Variants in AMOTL1 observed in about 807,000 individuals in gnomAD.
AMOTL1 encodes the protein angiomotin-like protein 1.
AMOTL1 carries 45 observed loss-of-function variants against 102.9 expected under a neutral mutation model. That is an observed-to-expected ratio of 0.44 (90% CI 0.34 to 0.56). The LOEUF is 0.56. Ranked by LOEUF, AMOTL1 falls within the 20% of genes least tolerant of loss-of-function variation. The pLI is 0.01. For missense variants in AMOTL1, 1,114 were observed against 1,225.6 expected (o/e 0.91, Z 1.36); for synonymous variants, 481 against 484.7 (o/e 0.99, Z 0.10).
intron 5 of AMOTL1, among the ~76,000 whole-genome samples, chr11:94,831,086 C>G (rs1952060441): frequency 6.6e-6 from 1 of 152,082 alleles, no homozygotes; most frequent in Non-Finnish European, 1.5e-5. Context: ...CTAAAATATA[C>G]AGCTGATGAT....
At position 94,808,788 on chromosome 11, in the gene AMOTL1, A is replaced by G. The variant is rs1016508931; in HGVS notation, c.1121+8477A>G. 5.3e-5 allele frequency among the ~76,000 whole-genome samples: 8 copies of G among 152,210 alleles called. No homozygotes were observed. The South Asian group carries it at 1.4e-3, about 28-fold the overall frequency. On this transcript the variant is annotated intron_variant, in intron 3 of 12. Transcript: ENST00000433060. ...CTAGCAGTGACATCTTAAGTTTGAA[A>G]GAGACAAATGAAATTAATTTTAAAG...
intron 1 of AMOTL1, among the ~76,000 whole-genome samples, chr11:94,709,412 A>G (rs1419128551): frequency 6.6e-6 from 1 of 152,162 alleles, no homozygotes; most frequent in Non-Finnish European, 1.5e-5. Context: ...TTCATGGTGT[A>G]AATACTCCCA....
Position 94,859,457 on chromosome 11 carries a change from G to A in AMOTL1, c.1945-68G>A, listed in dbSNP as rs118120437. 8.1e-3 allele frequency: 11,796 copies of A among 1,459,720 alleles called. 63 individuals are homozygous for A. The highest frequency in any genetic ancestry group is 9.6e-3 in the Non-Finnish European group (10,415 of 1,087,158). The allele number at this position is 1,459,720 out of a possible 1,614,324, so 90.4% of individuals were successfully genotyped here. On this transcript the variant is annotated intron_variant, in intron 8 of 12. Coordinates refer to ENST00000433060, the MANE Select transcript of AMOTL1 (RefSeq NM_130847.3). ...GGATCTGGGGAACCTCATGTGTTCTGTATGGGCAGTTGTGTAGACAGCATT... is the reference window on the plus strand; with the variant it reads ...GGATCTGGGGAACCTCATGTGTTCTATATGGGCAGTTGTGTAGACAGCATT...
intron 2 of AMOTL1, among the ~76,000 whole-genome samples, chr11:94,796,299 G>C (rs541291838): frequency 6.6e-6 from 1 of 152,298 alleles, no homozygotes; most frequent in Admixed American, 6.5e-5. Flanking sequence ...GTGACAGGGA[G>C]AGCCTTATGA....
intron 1 of AMOTL1, among the ~76,000 whole-genome samples, chr11:94,782,601 A>G (rs1951129411): frequency 6.6e-6 from 1 of 152,264 alleles, no homozygotes; most frequent in South Asian, 2.1e-4. Context: ...AGGAGTATCC[A>G]TGAAAAGACC....
intron 1 of AMOTL1, among the ~76,000 whole-genome samples, chr11:94,779,843 A>C (rs1951082131): frequency 8.9e-6 from 1 of 112,988 alleles, no homozygotes; most frequent in Non-Finnish European, 1.9e-5. Flanking sequence ...TATACCTTGA[A>C]GTGAGGTTGG....
chr11:94,750,301 A>G (rs1383760684), intron 3 of AMOTL1, among the ~76,000 whole-genome samples: 1 of 152,140 alleles, frequency 6.6e-6, no homozygotes, highest in African/African-American at 2.4e-5. Flanking sequence ...ACCCGTGAAC[A>G]CCGTGATAAT....
chr11:94,840,876 C>T (rs1952289178), intron 6 of AMOTL1, among the ~76,000 whole-genome samples: 1 of 151,816 alleles, frequency 6.6e-6, no homozygotes, highest in African/African-American at 2.4e-5. Flanking sequence ...AATTTACACA[C>T]TTAAATGTCC....
intron 8 of AMOTL1, among the ~76,000 whole-genome samples, chr11:94,858,369 A>C (rs1952708270): frequency 6.6e-6 from 1 of 152,166 alleles, no homozygotes; most frequent in African/African-American, 2.4e-5. Context: ...AGCTTTAAAA[A>C]ACTGAATAAA....
chr11:94,766,268 T>G (rs1383226654), upstream of AMOTL1, among the ~76,000 whole-genome samples: 1 of 152,214 alleles, frequency 6.6e-6, no homozygotes, highest in Non-Finnish European at 1.5e-5. Context: ...GAAATAATAA[T>G]AGCAAATGTA....
chr11:94,745,839 A>G (rs1376107379), intron 3 of AMOTL1, among the ~76,000 whole-genome samples: 4 of 152,210 alleles, frequency 2.6e-5, no homozygotes, highest in Admixed American at 1.3e-4. Context: ...CCACCTACTA[A>G]TCAAGCGGTT....
chr11:94,783,525 C>A (rs1456281341), intron 1 of AMOTL1, among the ~76,000 whole-genome samples: 2 of 152,100 alleles, frequency 1.3e-5, no homozygotes, highest in Non-Finnish European at 2.9e-5. Context: ...GGGAGAAGTT[C>A]TGTTGCTTTA....
intron 3 of AMOTL1, among the ~76,000 whole-genome samples, chr11:94,756,032 A>G (rs564736938): frequency 1.3e-5 from 2 of 152,154 alleles, no homozygotes; most frequent in Non-Finnish European, 2.9e-5. Context: ...CAGAAAGGGG[A>G]TGGAGTTGGA....
At chr11:94,749,325 G>T (rs1950623733) in intron 3 of AMOTL1, among the ~76,000 whole-genome samples, 1 of 152,076 alleles carries the variant, frequency 6.6e-6, no homozygotes, top group South Asian at 2.1e-4. Flanking sequence ...TGAAGAGACA[G>T]CAAGGATTTG....
intron 1 of AMOTL1, among the ~76,000 whole-genome samples, chr11:94,710,183 A>G (rs1424884302): frequency 1.3e-5 from 2 of 152,130 alleles, no homozygotes; most frequent in East Asian, 1.9e-4. Flanking sequence ...TAGGGGAAGG[A>G]GGTAGAGCAG....
At chr11:94,834,960 C>T (rs1952146251) in intron 6 of AMOTL1, among the ~76,000 whole-genome samples, 1 of 152,186 alleles carries the variant, frequency 6.6e-6, no homozygotes, top group East Asian at 1.9e-4. Flanking sequence ...GTAATTACTA[C>T]TTAATTCTAA....
chr11:94,747,683 G>A (rs982807212), intron 3 of AMOTL1, among the ~76,000 whole-genome samples: 3 of 152,188 alleles, frequency 2.0e-5, no homozygotes, highest in Admixed American at 6.5e-5. Context: ...GGAAGACTGC[G>A]TTTCGTGCTT....
rs769652647 is a variant in AMOTL1, at chr11:94,826,114, A to G, written c.1414-3936A>G. Reference sequence around the variant, plus strand: ...AGCCTGGCTAACATGGTGAAACCCCATGTCTACTAAAAAAGAAAAAATACA... The same window carrying G: ...AGCCTGGCTAACATGGTGAAACCCCGTGTCTACTAAAAAAGAAAAAATACA... On this transcript the variant is annotated intron_variant, in intron 4 of 12. Transcript: ENST00000433060. 8.0e-4 allele frequency among the ~76,000 whole-genome samples: 122 copies of G among 152,212 alleles called. 1 individual carries two copies. Among genetic ancestry groups the G allele is most frequent in the Non-Finnish European group, 8.8e-4 (60 of 68,000 alleles).
chr11:94,744,485 G>A (rs1316664428), intron 3 of AMOTL1, among the ~76,000 whole-genome samples: 1 of 152,146 alleles, frequency 6.6e-6, no homozygotes, highest in Admixed American at 6.5e-5. Flanking sequence ...CATTAGGCAT[G>A]ATTGATTGAA....
Sources: allele counts gnomAD v4.1 joint callset (sites outside exome capture counted in the v4.1 genomes callset), GRCh38; gene constraint gnomAD v4.1.1; transcripts MANE v1.5; gene names NCBI Gene and HGNC (gene_info 2026-07-23, HGNC 2026-07-21).